CCDC150: variants seen among roughly 807,000 people sequenced by gnomAD.
The protein encoded by CCDC150 is coiled-coil domain containing 150, also known as coiled-coil domain-containing protein 150.
Under a neutral mutation model 156.5 loss-of-function variants are expected in CCDC150, and 151 were observed. The ratio of observed to expected loss-of-function variants is 0.97; its 90% CI spans 0.85 to 1.10. CCDC150 has a LOEUF of 1.10. CCDC150 is among the 50% of genes least tolerant of loss of function. CCDC150 has a pLI of 0.00. For synonymous variants in CCDC150, 452 were observed against 429.4 expected (o/e 1.05, Z -0.65); for missense variants, 1,312 against 1,268.1 (o/e 1.03, Z -0.53).
At chr2:196,673,493 C>G (rs1694326341) in intron 9 of CCDC150, among the ~76,000 whole-genome samples, 1 of 152,146 alleles carries the variant, frequency 6.6e-6, no homozygotes, top group Non-Finnish European at 1.5e-5. Flanking sequence ...ACTGCCTGCC[C>G]ATACCACTTG....
chr2:196,666,898 T>A (rs767330408), intron 7 of CCDC150, 50 bp downstream of exon 7: 1 of 1,605,914 alleles, frequency 6.2e-7, no homozygotes, highest in South Asian at 1.1e-5. Context: ...TTTGGAGATT[T>A]CATGGAAAAA....
At chr2:196,664,704 G>T (rs894016080) in intron 5 of CCDC150, among the ~76,000 whole-genome samples, 6 of 152,108 alleles carry the variant, frequency 3.9e-5, no homozygotes, top group South Asian at 2.1e-4. Context: ...GGGGCTAGAA[G>T]TCCCAGTCCT....
chr2:196,657,443 C>A, intron 4 of CCDC150: 1 of 242,990 alleles, frequency 4.1e-6, no homozygotes, highest in Non-Finnish European at 8.0e-6. Context: ...GGAGAACAAG[C>A]TACAGCATGA....
intron 4 of CCDC150, chr2:196,657,424 T>A (rs187240339): frequency 2.2e-4 from 59 of 263,798 alleles, no homozygotes; most frequent in African/African-American, 1.0e-3. Flanking sequence ...GGAACTCATA[T>A]GCTAGTTGGG....
At chr2:196,651,808 A>T (rs1034620941) in intron 2 of CCDC150, among the ~76,000 whole-genome samples, 2 of 152,148 alleles carry the variant, frequency 1.3e-5, no homozygotes, top group African/African-American at 4.8e-5. Context: ...AAGAAAAGAG[A>T]TATATTTGGT....
intron 15 of CCDC150, among the ~76,000 whole-genome samples, chr2:196,711,762 G>A (rs577306891): frequency 6.6e-6 from 1 of 152,178 alleles, no homozygotes; most frequent in South Asian, 2.1e-4. Flanking sequence ...CACATTGACA[G>A]TTCTAATTAT....
chr2:196,648,650 A>T (rs956912504), intron 2 of CCDC150, among the ~76,000 whole-genome samples: 1 of 151,950 alleles, frequency 6.6e-6, no homozygotes, highest in African/African-American at 2.4e-5. Flanking sequence ...ATGCATTTCT[A>T]TTTGTCTATT....
intron 13 of CCDC150, among the ~76,000 whole-genome samples, chr2:196,685,507 A>T (rs1194969942): frequency 6.6e-6 from 1 of 152,112 alleles, no homozygotes; most frequent in Non-Finnish European, 1.5e-5. Context: ...CTCTTGTATG[A>T]ATTATTTCCA....
At chr2:196,676,312 A>G in intron 11 of CCDC150, 45 bp downstream of exon 11, 2 of 1,602,894 alleles carry the variant, frequency 1.2e-6, no homozygotes, top group South Asian at 1.1e-5. Context: ...TTGTTCTTGC[A>G]TGTGTGTTTC....
chr2:196,689,143 T>C (rs1054602198), intron 13 of CCDC150, among the ~76,000 whole-genome samples: 15 of 152,328 alleles, frequency 9.8e-5, no homozygotes, highest in Middle Eastern at 3.4e-3. Flanking sequence ...TTTTGGTTAC[T>C]GTAGCCTTGT....
At chr2:196,644,239 G>C (rs1000609944) in intron 1 of CCDC150, among the ~76,000 whole-genome samples, 1 of 152,102 alleles carries the variant, frequency 6.6e-6, no homozygotes, top group African/African-American at 2.4e-5. Flanking sequence ...GCTTCTTTTG[G>C]AGAGAGGACA....
intron 23 of CCDC150, 38 bp downstream of exon 23, chr2:196,729,425 T>C (rs1698406609): frequency 4.4e-6 from 7 of 1,582,910 alleles, no homozygotes; most frequent in Non-Finnish European, 6.1e-6. Flanking sequence ...CTGGATACCC[T>C]GTGAGGATGT....
At chr2:196,690,233 C>T (rs141142952) in intron 13 of CCDC150, among the ~76,000 whole-genome samples, 1,700 of 112,580 alleles carry the variant, frequency 0.015, 36 homozygotes, top group African/African-American at 0.054. Flanking sequence ...TGTGGGGAGG[C>T]GGGAGGGAGG....
At chr2:196,676,036 A>G in intron 10 of CCDC150, 107 bp from the exon 11 acceptor site, 1 of 1,030,254 alleles carries the variant, frequency 9.7e-7, no homozygotes, top group Non-Finnish European at 1.4e-6. Context: ...TGTAAATGAA[A>G]CTTGTTTTTT....
rs1053297943 is a variant in CCDC150, at chr2:196,678,775, G to A, written c.1509+1414G>A. ...AAAAAAATTAACCAGGTGCGGTGGC[G>A]CACACCTGTAATCCCAGCTACTCGG... On this transcript the variant is annotated intron_variant, in intron 13 of 27. Transcript: ENST00000389175. Among the ~76,000 whole-genome samples the A allele has an allele frequency of 3.4e-4, 51 of 151,872 alleles. 1 individual carries two copies. The highest frequency in any genetic ancestry group is 1.1e-3 in the African/African-American group (47 of 41,336).
Position 196,723,330 on chromosome 2 carries a change from A to G in CCDC150, c.2429+1639A>G, listed in dbSNP as rs529394833. ...ATCCTGGCCAACATGGTGAAACCCC[A>G]TCTCTACTAAAAATACATACCTGGG... On this transcript the variant is annotated intron_variant, in intron 21 of 27. Coordinates refer to ENST00000389175, the MANE Select transcript of CCDC150 (RefSeq NM_001080539.2). Among the ~76,000 whole-genome samples the G allele has an allele frequency of 1.2e-4, 18 of 152,170 alleles. No individual in the cohort carries two copies. The South Asian group carries it at 2.1e-3, about 18-fold the overall frequency.
intron 8 of CCDC150, among the ~76,000 whole-genome samples, chr2:196,671,220 C>G (rs1020964376): frequency 3.3e-5 from 5 of 152,048 alleles, no homozygotes; most frequent in Admixed American, 2.0e-4. Context: ...TGTGCTTTGC[C>G]TATTCATCCC....
chr2:196,688,726 T>A (rs1695263796), intron 13 of CCDC150, among the ~76,000 whole-genome samples: 1 of 152,116 alleles, frequency 6.6e-6, no homozygotes, highest in Admixed American at 6.5e-5. Flanking sequence ...TTTCTTTTGA[T>A]GTGCAGAAGC....
intron 21 of CCDC150, among the ~76,000 whole-genome samples, chr2:196,722,156 G>A (rs1383560834): frequency 1.3e-5 from 2 of 152,122 alleles, no homozygotes; most frequent in African/African-American, 2.4e-5. Context: ...ATCCAGTTCA[G>A]GTCAAATGAC....
Sources: gnomAD v4.1 joint callset for allele counts (sites outside exome capture counted in the v4.1 genomes callset) on GRCh38, gnomAD v4.1.1 for gene constraint, MANE v1.5 for transcripts, NCBI Gene and HGNC (gene_info 2026-07-23, HGNC 2026-07-21) for gene names.